The following EIF4E3 variants were observed in gnomAD, a reference collection of about 807,000 sequenced individuals.
EIF4E3 encodes the protein eukaryotic translation initiation factor 4E type 3.
In EIF4E3, 26 loss-of-function variants were observed where a neutral mutation model predicts 31.7. The ratio of observed to expected loss-of-function variants is 0.82; its 90% CI spans 0.60 to 1.14. The LOEUF is 1.14. Ranked by LOEUF, EIF4E3 falls within the 50% of genes most tolerant of loss-of-function variation. The pLI is 0.00. For missense variants in EIF4E3, 304 were observed against 270.9 expected (o/e 1.12, Z -0.86); for synonymous variants, 128 against 107.7 (o/e 1.19, Z -1.17).
intron 1 of EIF4E3, among the ~76,000 whole-genome samples, chr3:71,716,394 A>ACCAC (rs1188167441): frequency 1.3e-5 from 2 of 151,962 alleles, no homozygotes; most frequent in Non-Finnish European, 2.9e-5. Flanking sequence ...CACCACGCCC[A>ACCAC]GCTAATTTTT....
intron 6 of EIF4E3, 125 bp from the exon 7 acceptor site, chr3:71,684,853 A>C: frequency 2.6e-6 from 2 of 778,768 alleles, no homozygotes; most frequent in Non-Finnish European, 3.9e-6. Context: ...CAAACACCTT[A>C]TTTATTTATT....
In EIF4E3 at chr3:71,683,332, C is replaced by T. The variant is rs2048946335; in HGVS notation, c.*1350G>A. ...CAGGTACAGTGAAGTTCTGAGTGCACTGCCCTTTTGAAAAATGTGTGAGCA... is the reference window on the plus strand; with the variant it reads ...CAGGTACAGTGAAGTTCTGAGTGCATTGCCCTTTTGAAAAATGTGTGAGCA... On this transcript the variant is annotated 3_prime_UTR_variant, in exon 7 of 7. Coordinates refer to ENST00000425534, the MANE Select transcript of EIF4E3 (RefSeq NM_001134651.2). 1 of 152,224 alleles carries T rather than the reference C, an allele frequency of 6.6e-6. No homozygotes were observed. 9.4% of individuals were successfully genotyped at this position (152,224 alleles called of 1,614,324 possible).
At chr3:71,665,092 G>A in the EIF4E3 span, among the ~76,000 whole-genome samples, 20 of 152,102 alleles carry the variant, frequency 1.3e-4, no homozygotes, top group Middle Eastern at 3.2e-3. Flanking sequence ...CCTGATGCAT[G>A]GTGGCCCTGA....
At chr3:71,659,870 C>T in the EIF4E3 span, among the ~76,000 whole-genome samples, 2 of 152,052 alleles carry the variant, frequency 1.3e-5, no homozygotes, top group Non-Finnish European at 2.9e-5. Flanking sequence ...GTTAAGAAAG[C>T]GGGGAAGAGG....
At chr3:71,745,372 A>G (rs964310728) in intron 1 of EIF4E3, among the ~76,000 whole-genome samples, 1 of 152,206 alleles carries the variant, frequency 6.6e-6, no homozygotes, top group African/African-American at 2.4e-5. Context: ...GCAATTCAAG[A>G]AACAGTAGGT....
At chr3:71,687,696 G>C (rs906798263) in intron 6 of EIF4E3, among the ~76,000 whole-genome samples, 4 of 152,284 alleles carry the variant, frequency 2.6e-5, no homozygotes, top group South Asian at 2.1e-4. Flanking sequence ...GTCAAATAAT[G>C]TGTATCCATA....
At chr3:71,754,301 C>T (rs1228141592), upstream of EIF4E3, 3 of 1,152,110 alleles carry the variant, frequency 2.6e-6, no homozygotes, top group Non-Finnish European at 3.2e-6. This position sits in a 1 kb window ranked among gnomAD's most constrained non-coding sequence, Gnocchi z 5.8. Flanking sequence ...GTGCGGCGGC[C>T]GCGGCGGGGG....
chr3:71,753,481 T>C (rs1039649125), exon 1 of EIF4E3: 1 of 151,686 alleles, frequency 6.6e-6, no homozygotes, highest in African/African-American at 2.4e-5. Flanking sequence ...AAACGCGACT[T>C]GTCGCCACCT....
chr3:71,659,516 G>A, the EIF4E3 span, among the ~76,000 whole-genome samples: 2 of 152,150 alleles, frequency 1.3e-5, no homozygotes, highest in African/African-American at 4.8e-5. Context: ...TTATGTTTGG[G>A]CACTCTGAAT....
At position 71,678,614 on chromosome 3, in the gene EIF4E3, C is replaced by T. The variant is rs1375727480; in HGVS notation, c.*6068G>A. The T allele has an allele frequency of 6.6e-6, 1 of 151,992 alleles. No individual in the cohort carries two copies. Among genetic ancestry groups the T allele is most frequent in the Non-Finnish European group, 1.5e-5 (1 of 68,000 alleles). 9.4% of individuals were successfully genotyped at this position (151,992 alleles called of 1,614,324 possible). On this transcript the variant is annotated 3_prime_UTR_variant, in exon 7 of 7. Coordinates refer to ENST00000425534, the MANE Select transcript of EIF4E3 (RefSeq NM_001134651.2). ...TAGAACAGAAAAGTTTTCAGTCTGA[C>T]CTTAAAAATACTGAGCAAATCACTA... is the stretch of plus-strand genomic sequence containing the variant.
intron 1 of EIF4E3, among the ~76,000 whole-genome samples, chr3:71,748,480 G>A (rs2049895605): frequency 6.6e-6 from 1 of 151,276 alleles, no homozygotes; most frequent in African/African-American, 2.4e-5. Flanking sequence ...ATGAAGGTAG[G>A]AGGAGGAGAA....
chr3:71,748,729 G>C (rs565013566), intron 1 of EIF4E3, among the ~76,000 whole-genome samples: 1 of 152,100 alleles, frequency 6.6e-6, no homozygotes, highest in Non-Finnish European at 1.5e-5. Context: ...GCACTATCCT[G>C]AATGACCATA....
intron 1 of EIF4E3, among the ~76,000 whole-genome samples, chr3:71,723,937 G>A (rs1163195591): frequency 6.6e-6 from 1 of 151,914 alleles, no homozygotes; most frequent in Admixed American, 6.6e-5. Flanking sequence ...TCTTATAGAC[G>A]GGTGCTATAA....
intron 2 of EIF4E3, among the ~76,000 whole-genome samples, chr3:71,701,366 A>G (rs2049214400): frequency 6.6e-6 from 1 of 152,206 alleles, no homozygotes; most frequent in Non-Finnish European, 1.5e-5. Flanking sequence ...TTTTAAAGAT[A>G]AGGACACCAG....
chr3:71,666,743 C>A, the EIF4E3 span, among the ~76,000 whole-genome samples: 1 of 152,084 alleles, frequency 6.6e-6, no homozygotes, highest in Non-Finnish European at 1.5e-5. Context: ...TCAACACCAG[C>A]CTGGCTAACA....
rs952249831 is a variant in EIF4E3, at chr3:71,681,127, T to A, written c.*3555A>T. On this transcript the variant is annotated 3_prime_UTR_variant, in exon 7 of 7. Transcript: ENST00000425534. ...GGATTTGAGATATTTTAAGCACATC[T>A]GGAGCGATCTAGCTTTGACACATTT... The A allele has an allele frequency of 6.6e-6, 1 of 152,254 alleles. No individual in the cohort carries two copies. The highest frequency in any genetic ancestry group is 6.5e-5 in the Admixed American group (1 of 15,290). 9.4% of individuals were successfully genotyped at this position (152,254 alleles called of 1,614,324 possible).
At chr3:71,746,920 A>G (rs1466869254) in intron 1 of EIF4E3, among the ~76,000 whole-genome samples, 2 of 152,216 alleles carry the variant, frequency 1.3e-5, no homozygotes, top group Non-Finnish European at 2.9e-5. Flanking sequence ...CATTGAGCAC[A>G]GTATTTTCAA....
downstream of EIF4E3, among the ~76,000 whole-genome samples, chr3:71,670,417 C>T (rs984352019): frequency 3.9e-5 from 6 of 152,268 alleles, no homozygotes; most frequent in African/African-American, 1.2e-4. Flanking sequence ...ATTGCACCCC[C>T]CCAACCCCCG....
chr3:71,720,035 C>G (rs2049523054), intron 1 of EIF4E3, among the ~76,000 whole-genome samples: 1 of 150,962 alleles, frequency 6.6e-6, no homozygotes, highest in Non-Finnish European at 1.5e-5. Context: ...ATATTCATAT[C>G]TTATATTTTA....
Sources: allele counts gnomAD v4.1 joint callset (sites outside exome capture counted in the v4.1 genomes callset), GRCh38; gene constraint gnomAD v4.1.1; non-coding constraint Gnocchi (gnomAD v3.1); transcripts MANE v1.5; gene names NCBI Gene and HGNC (gene_info 2026-07-23, HGNC 2026-07-21).